TUSC3: variants seen among roughly 807,000 people sequenced by gnomAD.
TUSC3 encodes dolichyl-diphosphooligosaccharide--protein glycosyltransferase subunit TUSC3.
In TUSC3, 45 loss-of-function variants were observed where a neutral mutation model predicts 44.8. The ratio of observed to expected loss-of-function variants is 1.00; its 90% CI spans 0.79 to 1.29. The LOEUF is 1.29. Among genes scored for constraint, TUSC3 ranks in the 50% most tolerant of loss-of-function variants. The probability of loss-of-function intolerance (pLI) is 0.00; values close to 1 mark genes in which losing one functional copy is unlikely to be tolerated. For missense variants in TUSC3, 519 were observed against 437.9 expected, an observed-to-expected ratio of 1.19 and a Z score of -1.65; for synonymous variants, 212 against 152.9, an observed-to-expected ratio of 1.39 and a Z score of -2.85.
At position 15,650,825 on chromosome 8, in the gene TUSC3, A is replaced by G. The variant is rs1248624818; in HGVS notation, c.426+11A>G. 2 of 1,604,342 alleles carry G rather than the reference A, an allele frequency of 1.2e-6. No individual in the cohort carries two copies. The highest frequency in any genetic ancestry group is 4.5e-5 in the East Asian group (2 of 44,806). On this transcript the variant is annotated intron_variant, in intron 3 of 10. Transcript: ENST00000503731. ...GACGTTTTTCAGCAGGTAAAGAGTT[A>G]TATCGTATTCATATATTTAACATAG... is the stretch of plus-strand genomic sequence containing the variant.
rs1340887255 is a variant in TUSC3, at chr8:15,428,814, GTTGT to G, written n.91+11516_91+11519del. ...TATCCTTTGCCCACTTTTTGATGGG[GTTGT>G]TTGTTTTTTTCTTGTAAATTTGTTT... On this transcript the variant is annotated intron_variant and non_coding_transcript_variant, in intron 1 of 5. Coordinates refer to the TUSC3 transcript ENST00000503191. Among the ~76,000 whole-genome samples, 1,103 of 152,108 alleles carry G rather than the reference GTTGT, an allele frequency of 7.3e-3. 13 individuals are homozygous for G. The highest frequency in any genetic ancestry group is 0.025 in the African/African-American group (1,040 of 41,480).
At chr8:15,631,748 C>T (rs1459534341) in intron 2 of TUSC3, among the ~76,000 whole-genome samples, 1 of 151,710 alleles carries the variant, frequency 6.6e-6, no homozygotes, top group Admixed American at 6.6e-5. Flanking sequence ...CTGTGTCACC[C>T]AGGCTGGAGT....
chr8:15,820,517 A>G, the TUSC3 span, among the ~76,000 whole-genome samples: 1 of 151,916 alleles, frequency 6.6e-6, no homozygotes, highest in African/African-American at 2.4e-5. Context: ...ATGGGGTTTC[A>G]CCATCTTGGC....
upstream of TUSC3, among the ~76,000 whole-genome samples, chr8:15,535,405 CAG>C (rs1330587930): frequency 6.6e-6 from 1 of 152,168 alleles, no homozygotes; most frequent in African/African-American, 2.4e-5. Flanking sequence ...AGGGAATAAA[CAG>C]AATGGGTGGA....
intron 6 of TUSC3, among the ~76,000 whole-genome samples, chr8:15,697,505 TG>T (rs766827953): frequency 2.2e-4 from 33 of 152,182 alleles, no homozygotes; most frequent in Non-Finnish European, 4.1e-4. Flanking sequence ...TGCCAAGTGC[TG>T]GGGGGTCTAG....
At chr8:15,570,172 C>A (rs2129142905) in intron 1 of TUSC3, among the ~76,000 whole-genome samples, 1 of 151,714 alleles carries the variant, frequency 6.6e-6, no homozygotes, top group East Asian at 1.9e-4. Flanking sequence ...TCTGATTTTG[C>A]ATGTTATATG....
At chr8:15,668,075 T>C (rs1236724078) in intron 5 of TUSC3, among the ~76,000 whole-genome samples, 2 of 151,776 alleles carry the variant, frequency 1.3e-5, no homozygotes, top group Non-Finnish European at 2.9e-5. Context: ...ATATAAATGC[T>C]GAAAGTAAGT....
intron 1 of TUSC3, among the ~76,000 whole-genome samples, chr8:15,592,676 C>T (rs1014859803): frequency 6.6e-6 from 1 of 152,180 alleles, no homozygotes; most frequent in African/African-American, 2.4e-5. Context: ...GCTTGCAGAA[C>T]TGCTAGCCAA....
intron 6 of TUSC3, 101 bp downstream of exon 6, chr8:15,673,937 T>A: frequency 1.0e-6 from 1 of 989,124 alleles, no homozygotes; most frequent in Non-Finnish European, 1.5e-6. Context: ...ATTCTGTTTG[T>A]CAGTCAAAAT....
At chr8:15,543,198 C>T (rs1281423923) in intron 1 of TUSC3, among the ~76,000 whole-genome samples, 2 of 152,084 alleles carry the variant, frequency 1.3e-5, no homozygotes, top group Non-Finnish European at 2.9e-5. Context: ...ACAATGGAAC[C>T]TGGAAGTGTA....
upstream of TUSC3, among the ~76,000 whole-genome samples, chr8:15,537,478 G>T (rs1449342576): frequency 2.0e-5 from 3 of 152,130 alleles, no homozygotes; most frequent in Non-Finnish European, 4.4e-5. Flanking sequence ...ACTGGCCAAG[G>T]TCACTCATAT....
the TUSC3 span, among the ~76,000 whole-genome samples, chr8:15,798,394 C>T: frequency 1.3e-5 from 2 of 152,144 alleles, no homozygotes; most frequent in Non-Finnish European, 2.9e-5. Flanking sequence ...TCAAAATTCC[C>T]AAACTTATTC....
At chr8:15,682,532 T>C (rs765663370) in intron 6 of TUSC3, among the ~76,000 whole-genome samples, 2 of 152,194 alleles carry the variant, frequency 1.3e-5, no homozygotes, top group Non-Finnish European at 2.9e-5. Flanking sequence ...TTTCCATTAC[T>C]TTGAGCCTGT....
At chr8:15,795,566 T>A in the TUSC3 span, among the ~76,000 whole-genome samples, 3 of 152,168 alleles carry the variant, frequency 2.0e-5, no homozygotes, top group Non-Finnish European at 4.4e-5. Flanking sequence ...CTGTGAACTT[T>A]CTTATGACCA....
chr8:15,458,364 G>A (rs555480226), intron 1 of TUSC3, among the ~76,000 whole-genome samples: 5 of 151,940 alleles, frequency 3.3e-5, no homozygotes, highest in Non-Finnish European at 5.9e-5. Flanking sequence ...TCAGTCTCCC[G>A]AATAGCTGCG....
chr8:15,643,458 T>C (rs12541402), intron 2 of TUSC3, among the ~76,000 whole-genome samples: 35,231 of 151,536 alleles, frequency 0.23, 5,322 homozygotes, highest in Non-Finnish European at 0.34. Flanking sequence ...TTTCAAAAAC[T>C]GAGTGCTAAC....
chr8:15,838,397 G>A, the TUSC3 span, among the ~76,000 whole-genome samples: 1 of 152,110 alleles, frequency 6.6e-6, no homozygotes, highest in African/African-American at 2.4e-5. Context: ...TATAATGCCA[G>A]GATAGCTCAG....
chr8:15,698,414 A>G (rs771367372), intron 6 of TUSC3, among the ~76,000 whole-genome samples: 1 of 152,226 alleles, frequency 6.6e-6, no homozygotes, highest in Non-Finnish European at 1.5e-5. Flanking sequence ...ATTGTGTTTG[A>G]GACTTGATTT....
chr8:15,698,367 C>G (rs1006890541), intron 6 of TUSC3, among the ~76,000 whole-genome samples: 1 of 152,116 alleles, frequency 6.6e-6, no homozygotes, highest in Non-Finnish European at 1.5e-5. Flanking sequence ...TTTCAGTAAA[C>G]TTATGAAAAC....
Sources: allele counts gnomAD v4.1 joint callset (sites outside exome capture counted in the v4.1 genomes callset), GRCh38; gene constraint gnomAD v4.1.1; transcripts MANE v1.5; gene names NCBI Gene and HGNC (gene_info 2026-07-23, HGNC 2026-07-21).